Variants in TRDMT1 observed in about 807,000 individuals in gnomAD.
TRDMT1 encodes the protein tRNA (cytosine(38)-C(5))-methyltransferase.
In TRDMT1, 49 loss-of-function variants were observed where a neutral mutation model predicts 51.2. That is an observed-to-expected ratio of 0.96 (90% CI 0.76 to 1.21). The LOEUF (loss-of-function observed/expected upper bound fraction) is 1.21. Among genes scored for constraint, TRDMT1 ranks in the 50% most tolerant of loss-of-function variants. The probability of loss-of-function intolerance (pLI) is 0.00; values close to 1 mark genes in which losing one functional copy is unlikely to be tolerated. For missense variants in TRDMT1, 534 were observed against 462.3 expected, an observed-to-expected ratio of 1.16 and a Z score of -1.42; for synonymous variants, 187 against 164.6, an observed-to-expected ratio of 1.14 and a Z score of -1.04.
rs771180989 is a variant in TRDMT1 at position 17,157,794 on chromosome 10, C to T, written c.544-10G>A. On this transcript the variant is annotated splice_polypyrimidine_tract_variant and intron_variant, in intron 7 of 10. Coordinates refer to ENST00000377799, the MANE Select transcript of TRDMT1 (RefSeq NM_004412.7). ...GGAACTCCATCAGTACCTGGCATTA[C>T]ATAAAAATACACAAATTGTCAAAAG... 26 of 1,529,246 alleles carry T rather than the reference C, an allele frequency of 1.7e-5. 1 individual carries two copies. 94.7% of individuals were successfully genotyped at this position (1,529,246 alleles called of 1,614,324 possible).
intron 5 of TRDMT1, among the ~76,000 whole-genome samples, 193 bp from the exon 6 acceptor site, chr10:17,160,567 G>C (rs1840202493): frequency 6.6e-6 from 1 of 152,014 alleles, no homozygotes; most frequent in Non-Finnish European, 1.5e-5. Context: ...CGCCTCCCAG[G>C]TTCAAGCAAT....
At chr10:17,179,225 C>T (rs759073681) in intron 1 of TRDMT1, among the ~76,000 whole-genome samples, 1 of 152,122 alleles carries the variant, frequency 6.6e-6, no homozygotes, top group African/African-American at 2.4e-5. Flanking sequence ...CATGAGGTAG[C>T]TAATACAGCT....
chr10:17,192,851 C>A (rs369247717), intron 1 of TRDMT1, among the ~76,000 whole-genome samples: 1 of 152,162 alleles, frequency 6.6e-6, no homozygotes, highest in Non-Finnish European at 1.5e-5. Context: ...TAAAATCCAA[C>A]ATTTCCTCAT....
intron 1 of TRDMT1, among the ~76,000 whole-genome samples, chr10:17,176,971 T>C (rs1420610379): frequency 1.3e-5 from 2 of 152,106 alleles, no homozygotes; most frequent in Non-Finnish European, 2.9e-5. Context: ...GTAGTAATTC[T>C]CAAAAAGGAG....
In TRDMT1 at chr10:17,142,029, C is replaced by G. The variant is rs909767655; in HGVS notation, c.*7011G>C. On this transcript the variant is annotated 3_prime_UTR_variant, in exon 11 of 11. Coordinates refer to ENST00000377799, the MANE Select transcript of TRDMT1 (RefSeq NM_004412.7). ...ACCATAATGGTTCTTTTGTTAACTT[C>G]TATTTCTTTGCTGAGCTTTTCTATT... Among the ~76,000 whole-genome samples, 1 of 146,484 alleles carries G rather than the reference C, an allele frequency of 6.8e-6. No individual in the cohort carries two copies. The highest frequency in any genetic ancestry group is 2.5e-5 in the African/African-American group (1 of 40,244).
At position 17,149,251 on chromosome 10, in the gene TRDMT1, A is replaced by G. The variant is rs113973740; in HGVS notation, c.1076-111T>C. Reference sequence around the variant, plus strand: ...GCGGTCATTTCATAAGTAAATCACTAAGGTCTCCATGAAGTTTTATTAACA... The same window carrying G: ...GCGGTCATTTCATAAGTAAATCACTGAGGTCTCCATGAAGTTTTATTAACA... On this transcript the variant is annotated intron_variant, in intron 10 of 10. Transcript: ENST00000377799. 5 of 783,014 alleles carry G rather than the reference A, an allele frequency of 6.4e-6. No individual in the cohort carries two copies. In the African/African-American group the frequency reaches 7.1e-5, roughly 11 times the overall value. The allele number at this position is 783,014 out of a possible 1,614,324, so 48.5% of individuals were successfully genotyped here. A position where few individuals can be genotyped will look rare whatever the true frequency, so the allele number is the denominator to read the frequency against.
intron 1 of TRDMT1, among the ~76,000 whole-genome samples, chr10:17,189,368 T>C (rs1202924655): frequency 6.6e-6 from 1 of 152,162 alleles, no homozygotes; most frequent in Non-Finnish European, 1.5e-5. Flanking sequence ...GCCTTTGCCA[T>C]ATATGGATAT....
Position 17,149,107 on chromosome 10 carries a change from T to C in TRDMT1, c.1109A>G (p.Tyr370Cys). ...FPEKITVKQRYRLLGNSLNVH... is the reference protein window; with the variant it reads ...FPEKITVKQRCRLLGNSLNVH... ...GTTGAGACTATTTCCAAGTAGGCGATAACGCTGTTTCACTGTTATCTTCTC... is the reference window on the plus strand; with the variant it reads ...GTTGAGACTATTTCCAAGTAGGCGACAACGCTGTTTCACTGTTATCTTCTC... Residue 370 changes from tyrosine to cysteine, a missense_variant, in exon 11 of 11, where the codon TAT (tyrosine) becomes TGT (cysteine). Physicochemically the swap from Tyr to Cys is radical, Grantham distance 194. Coordinates refer to ENST00000377799, the MANE Select transcript of TRDMT1 (RefSeq NM_004412.7). 6.2e-7 allele frequency: 1 copy of C among 1,611,730 alleles called. No homozygotes were observed. The highest frequency in any genetic ancestry group is 8.5e-7 in the Non-Finnish European group (1 of 1,179,170).
rs1837553794 is a variant in TRDMT1 at position 17,140,060 on chromosome 10, T to TTTA, written c.*8979_*8980insTAA. On this transcript the variant is annotated 3_prime_UTR_variant, in exon 11 of 11. Transcript: ENST00000377799. ...TGCTTTTTTTTTTTTTTTTTTTTTT[T>TTTA]TTTGAGACAGAGTCTTGCCCTGTCA... Among the ~76,000 whole-genome samples, 2 of 133,798 alleles carry TTTA rather than the reference T, an allele frequency of 1.5e-5. No homozygotes were observed. The highest frequency in any genetic ancestry group is 3.2e-5 in the Non-Finnish European group (2 of 63,262). The allele number at this position is 133,798 out of a possible 152,430, so 87.8% of individuals were successfully genotyped here.
chr10:17,161,124 A>T (rs1266071175), intron 5 of TRDMT1, among the ~76,000 whole-genome samples: 3 of 152,166 alleles, frequency 2.0e-5, no homozygotes, highest in Non-Finnish European at 2.9e-5. Context: ...CCTGCATCCA[A>T]CTGTAGGGCA....
At chr10:17,191,800 C>T (rs1404175955) in intron 1 of TRDMT1, among the ~76,000 whole-genome samples, 1 of 152,116 alleles carries the variant, frequency 6.6e-6, no homozygotes, top group East Asian at 1.9e-4. Flanking sequence ...AAAAGTCCCC[C>T]CAAAGCGTGA....
At chr10:17,201,519 C>A in intron 1 of TRDMT1, 52 bp downstream of exon 1, 1 of 1,522,720 alleles carries the variant, frequency 6.6e-7, no homozygotes. Flanking sequence ...CGCGGGTGCT[C>A]CAACCAGCCC....
chr10:17,169,574 G>C (rs939457117), intron 2 of TRDMT1: 18 of 1,272,742 alleles, frequency 1.4e-5, no homozygotes, highest in Admixed American at 1.4e-4. Flanking sequence ...GGAAGCACAC[G>C]TCAGGGGTTT....
chr10:17,182,144 G>A (rs12357675), intron 1 of TRDMT1, among the ~76,000 whole-genome samples: 20,860 of 152,144 alleles, frequency 0.14, 1,530 homozygotes, highest in Admixed American at 0.17. Flanking sequence ...TTCTTACCAC[G>A]TTAAACCTTG....
chr10:17,167,633 C>T (rs2131473795), intron 3 of TRDMT1, among the ~76,000 whole-genome samples: 1 of 152,096 alleles, frequency 6.6e-6, no homozygotes, highest in Non-Finnish European at 1.5e-5. Context: ...TATATATATA[C>T]ACACATATAT....
Position 17,144,052 on chromosome 10 carries a change from G to C in TRDMT1, c.*4988C>G. On this transcript the variant is annotated 3_prime_UTR_variant, in exon 11 of 11. Coordinates refer to ENST00000377799, the MANE Select transcript of TRDMT1 (RefSeq NM_004412.7). ...TGTCATCGGCAAAATGGCTGAAGTT[G>C]TAGGAAAGGGTGAGAATCTCTAAGA... The C allele has an allele frequency of 1.0e-6, 1 of 985,470 alleles. No homozygotes were observed. Among genetic ancestry groups the C allele is most frequent in the Non-Finnish European group, 1.2e-6 (1 of 829,966 alleles). The allele number at this position is 985,470 out of a possible 1,614,324, so 61.0% of individuals were successfully genotyped here. A position where few individuals can be genotyped will look rare whatever the true frequency, so the allele number is the denominator to read the frequency against.
chr10:17,162,259 A>T, intron 3 of TRDMT1, 22 bp from the exon 4 acceptor site: 1 of 1,549,006 alleles, frequency 6.5e-7, no homozygotes, highest in Non-Finnish European at 8.7e-7. Context: ...AAAAAAAAAA[A>T]AAACAAAAAA....
chr10:17,167,604 C>T (rs1841391579), intron 3 of TRDMT1, among the ~76,000 whole-genome samples: 1 of 152,108 alleles, frequency 6.6e-6, no homozygotes, highest in South Asian at 2.1e-4. Context: ...GATATAATTT[C>T]CTGAAACATA....
At chr10:17,172,777 A>C (rs1353124944) in intron 2 of TRDMT1, among the ~76,000 whole-genome samples, 1 of 152,206 alleles carries the variant, frequency 6.6e-6, no homozygotes, top group Non-Finnish European at 1.5e-5. Flanking sequence ...AATCCAAAAA[A>C]CAGTAACAAT....
Sources: allele counts gnomAD v4.1 joint callset (sites outside exome capture counted in the v4.1 genomes callset), GRCh38; gene constraint gnomAD v4.1.1; transcripts MANE v1.5; gene names NCBI Gene and HGNC (gene_info 2026-07-23, HGNC 2026-07-21).